Variants in UBAC2 observed in about 807,000 individuals in gnomAD.
UBAC2 encodes ubiquitin-associated domain-containing protein 2.
In UBAC2, 26 loss-of-function variants were observed where a neutral mutation model predicts 44.0. The ratio of observed to expected loss-of-function variants is 0.59; its 90% CI spans 0.43 to 0.82. The LOEUF (loss-of-function observed/expected upper bound fraction) is 0.82. UBAC2 is among the 40% of genes least tolerant of loss of function. UBAC2 has a pLI of 0.00. For synonymous variants in UBAC2, 155 were observed against 154.3 expected (o/e 1.00, Z -0.04); for missense variants, 329 against 419.4 (o/e 0.78, Z 1.88).
intron 6 of UBAC2, 152 bp from the exon 7 acceptor site, chr13:99,340,168 C>T (rs2044862296): frequency 4.1e-6 from 3 of 731,610 alleles, no homozygotes; most frequent in Non-Finnish European, 6.6e-6. Context: ...TAGTGTTCTG[C>T]AGTGTGGTAG....
At chr13:99,216,254 G>A (rs546063697) in intron 1 of UBAC2, among the ~76,000 whole-genome samples, 9 of 152,050 alleles carry the variant, frequency 5.9e-5, no homozygotes, top group South Asian at 2.1e-4. Flanking sequence ...ATAGATGCCC[G>A]CCACCACACC....
At chr13:99,237,529 A>T (rs2043252172) in intron 1 of UBAC2, among the ~76,000 whole-genome samples, 1 of 152,186 alleles carries the variant, frequency 6.6e-6, no homozygotes, top group African/African-American at 2.4e-5. Context: ...TAATGGGTAC[A>T]AATATACACT....
At chr13:99,205,454 G>A (rs562334121) in intron 1 of UBAC2, among the ~76,000 whole-genome samples, 6 of 152,162 alleles carry the variant, frequency 3.9e-5, no homozygotes, top group Admixed American at 1.3e-4. Context: ...AATCAATCAC[G>A]GTGTTTTCTG....
intron 4 of UBAC2, among the ~76,000 whole-genome samples, chr13:99,246,228 C>T (rs2043381792): frequency 6.6e-6 from 1 of 152,156 alleles, no homozygotes; most frequent in Non-Finnish European, 1.5e-5. Context: ...ACCTTTAGCT[C>T]TTTTAATAAT....
rs533640164 is a variant in UBAC2, at chr13:99,255,778, A to G, written c.389+11154A>G. 62 of 1,613,696 alleles carry G rather than the reference A, an allele frequency of 3.8e-5. No homozygotes were observed. The highest frequency in any genetic ancestry group is 4.8e-5 in the Non-Finnish European group (57 of 1,179,832). On this transcript the variant is annotated intron_variant, in intron 4 of 8. Coordinates refer to ENST00000403766, the MANE Select transcript of UBAC2 (RefSeq NM_001144072.2). ...GTTAACAAATAATCCAATTATGAAG[A>G]TACAGCTATAGAAGACAAGGGCTGC...
At chr13:99,344,596 G>C (rs1037615960) in intron 7 of UBAC2, among the ~76,000 whole-genome samples, 5 of 151,812 alleles carry the variant, frequency 3.3e-5, no homozygotes, top group Non-Finnish European at 5.9e-5. Flanking sequence ...TTTTTTTTCA[G>C]TTACTAACTG....
chr13:99,253,273 T>C (rs1317020276), intron 4 of UBAC2, among the ~76,000 whole-genome samples: 2 of 152,134 alleles, frequency 1.3e-5, no homozygotes, highest in African/African-American at 4.8e-5. Flanking sequence ...GTTTGCTTTT[T>C]ATTATTGAAA....
intron 7 of UBAC2, among the ~76,000 whole-genome samples, chr13:99,366,796 C>T (rs899105989): frequency 5.9e-5 from 9 of 152,182 alleles, no homozygotes; most frequent in South Asian, 2.1e-4. Context: ...TCTGCTCCCC[C>T]GTCTCCCAGG....
rs1555321112 is a variant in UBAC2, at chr13:99,232,399, G to GATATATATATATATATATATATATAT, written c.32-6023_32-6022insTATATATATATATATATATATATATA. On this transcript the variant is annotated intron_variant, in intron 1 of 8. Coordinates refer to ENST00000403766, the MANE Select transcript of UBAC2 (RefSeq NM_001144072.2). Reference sequence around the variant, plus strand: ...AGACCCTGTCCATCCTTAGTTGAGAGATATAGATATATATATATATATTCA... The same window carrying GATATATATATATATATATATATATAT: ...AGACCCTGTCCATCCTTAGTTGAGAGATATATATATATATATATATATATATATATAGATATATATATATATATTCA... Among the ~76,000 whole-genome samples the GATATATATATATATATATATATATAT allele has an allele frequency of 3.1e-3, 340 of 109,836 alleles. 24 individuals carry two copies. The highest frequency in any genetic ancestry group is 0.012 in the Middle Eastern group (2 of 172). The allele number at this position is 109,836 out of a possible 152,430, so 72.1% of individuals were successfully genotyped here. A position where few individuals can be genotyped will look rare whatever the true frequency, so the allele number is the denominator to read the frequency against.
At chr13:99,285,306 C>T (rs775830203) in intron 4 of UBAC2, among the ~76,000 whole-genome samples, 8 of 151,840 alleles carry the variant, frequency 5.3e-5, no homozygotes, top group Non-Finnish European at 8.8e-5. Flanking sequence ...CTTCTTCCTC[C>T]CTTTGGTAGA....
chr13:99,227,087 A>G (rs1246688406), intron 1 of UBAC2, among the ~76,000 whole-genome samples: 2 of 151,974 alleles, frequency 1.3e-5, no homozygotes, highest in Non-Finnish European at 2.9e-5. Flanking sequence ...AATCCCAGCT[A>G]CTCGGGAGGC....
intron 3 of UBAC2, 52 bp downstream of exon 3, chr13:99,244,003 T>G: frequency 7.1e-7 from 1 of 1,405,212 alleles, no homozygotes; most frequent in East Asian, 2.6e-5. Flanking sequence ...AAAAAAATTT[T>G]GTTTAAATGG....
intron 7 of UBAC2, chr13:99,351,803 T>C (rs2045094610): frequency 2.2e-6 from 1 of 456,540 alleles, no homozygotes; most frequent in Non-Finnish European, 4.4e-6. Flanking sequence ...GAGTCCTTGG[T>C]GCTCTTCTTT....
chr13:99,314,021 G>T, intron 4 of UBAC2, 76 bp from the exon 5 acceptor site: 1 of 1,370,672 alleles, frequency 7.3e-7, no homozygotes, highest in South Asian at 1.4e-5. Context: ...TATAAGCAGT[G>T]TTACTTCAAA....
In UBAC2 at chr13:99,277,627, G is replaced by C. The variant is rs148870282; in HGVS notation, c.389+33003G>C. ...TTGTGAAATCATTTTTTTCTCCATT[G>C]ATAGTTACCTCTACAATCATTCAGA... On this transcript the variant is annotated intron_variant, in intron 4 of 8. Transcript: ENST00000403766. Among the ~76,000 whole-genome samples the C allele has an allele frequency of 8.5e-5, 13 of 152,242 alleles. No homozygotes were observed. In the East Asian group the frequency reaches 2.5e-3, roughly 29 times the overall value.
intron 4 of UBAC2, among the ~76,000 whole-genome samples, chr13:99,281,013 C>G (rs1310742485): frequency 6.6e-6 from 1 of 152,050 alleles, no homozygotes; most frequent in African/African-American, 2.4e-5. Flanking sequence ...TAGTGAAACT[C>G]CATCTCTGCT....
intron 1 of UBAC2, chr13:99,234,252 G>A (rs887909583): frequency 3.7e-5 from 6 of 161,792 alleles, no homozygotes; most frequent in African/African-American, 1.4e-4. Context: ...GCACAATCTC[G>A]GCTCACTGCA....
At chr13:99,264,723 T>G (rs2043718203) in intron 4 of UBAC2, among the ~76,000 whole-genome samples, 2 of 152,208 alleles carry the variant, frequency 1.3e-5, no homozygotes, top group African/African-American at 4.8e-5. Flanking sequence ...CCCAACTCTT[T>G]GCATTGCAGA....
chr13:99,265,359 G>A (rs1460738866), intron 4 of UBAC2, among the ~76,000 whole-genome samples: 1 of 152,248 alleles, frequency 6.6e-6, no homozygotes, highest in Non-Finnish European at 1.5e-5. Context: ...GGACCACCCT[G>A]AGACCCACAG....
Sources: allele counts gnomAD v4.1 joint callset (sites outside exome capture counted in the v4.1 genomes callset), GRCh38; gene constraint gnomAD v4.1.1; transcripts MANE v1.5; gene names NCBI Gene and HGNC (gene_info 2026-07-23, HGNC 2026-07-21).